The following AMBRA1 variants were observed in gnomAD, a reference collection of about 807,000 sequenced individuals.
AMBRA1 encodes autophagy and beclin 1 regulator 1, also known as activating molecule in BECN1-regulated autophagy protein 1.
Under a neutral mutation model 125.4 loss-of-function variants are expected in AMBRA1, and 47 were observed. That is an observed-to-expected ratio of 0.37 (90% confidence interval 0.30 to 0.48). AMBRA1 has a LOEUF of 0.48. Among genes scored for constraint, AMBRA1 ranks in the 20% least tolerant of loss-of-function variants. AMBRA1 has a pLI of 0.99. For synonymous variants in AMBRA1, 626 were observed against 655.5 expected, an observed-to-expected ratio of 0.95 and a Z score of 0.69; for missense variants, 1,331 against 1,693.4, an observed-to-expected ratio of 0.79 and a Z score of 3.76.
At chr11:46,584,672 G>T (rs917307891) in intron 1 of AMBRA1, among the ~76,000 whole-genome samples, 1 of 152,038 alleles carries the variant, frequency 6.6e-6, no homozygotes, top group Non-Finnish European at 1.5e-5. Context: ...GCAGTGGTGT[G>T]ATCTTGGCTC....
intron 1 of AMBRA1, among the ~76,000 whole-genome samples, chr11:46,575,181 G>A (rs2043910658): frequency 6.6e-6 from 1 of 152,122 alleles, no homozygotes; most frequent in Admixed American, 6.6e-5. Context: ...AAACCACTCA[G>A]GCATGATGGC....
chr11:46,427,024 CA>C (rs1947170265), intron 14 of AMBRA1, among the ~76,000 whole-genome samples: 1 of 152,088 alleles, frequency 6.6e-6, no homozygotes, highest in African/African-American at 2.4e-5. Context: ...AATTCTAGGT[CA>C]CTTTTGGAAA....
chr11:46,503,874 G>C (rs972919449), intron 9 of AMBRA1, among the ~76,000 whole-genome samples: 2 of 152,098 alleles, frequency 1.3e-5, no homozygotes. Context: ...TCTTTTATTT[G>C]TTTAATACAT....
chr11:46,584,580 A>G (rs2044301402), intron 1 of AMBRA1, among the ~76,000 whole-genome samples: 1 of 151,868 alleles, frequency 6.6e-6, no homozygotes, highest in African/African-American at 2.4e-5. Flanking sequence ...AAAAATACAC[A>G]CTCTGCTATA....
chr11:46,481,430 C>A (rs1014853829), intron 11 of AMBRA1, among the ~76,000 whole-genome samples: 4 of 152,152 alleles, frequency 2.6e-5, no homozygotes, highest in African/African-American at 9.7e-5. Flanking sequence ...TCTTGTTGAG[C>A]TCAGCACACT....
chr11:46,566,287 G>A (rs141393191), intron 1 of AMBRA1, among the ~76,000 whole-genome samples: 91 of 152,090 alleles, frequency 6.0e-4, no homozygotes, highest in African/African-American at 1.9e-3. Flanking sequence ...CCATGGTGGC[G>A]GGCACCTGTA....
chr11:46,505,646 A>G (rs1056009416), intron 9 of AMBRA1, among the ~76,000 whole-genome samples: 1 of 149,996 alleles, frequency 6.7e-6, no homozygotes, highest in Admixed American at 6.6e-5. Context: ...AAGGAAATGT[A>G]AATTCAGGTC....
intron 11 of AMBRA1, among the ~76,000 whole-genome samples, chr11:46,477,100 C>CAA (rs966567377): frequency 1.2e-3 from 90 of 72,050 alleles, no homozygotes; most frequent in Middle Eastern, 8.9e-3. Flanking sequence ...AAGACTGTCT[C>CAA]AAAAAAAAAA....
intron 10 of AMBRA1, 175 bp from the exon 11 acceptor site, chr11:46,493,883 C>T (rs2134977814): frequency 1.6e-6 from 1 of 644,028 alleles, no homozygotes; most frequent in South Asian, 2.1e-5. Flanking sequence ...TTTTTCTGCC[C>T]TTCCTTCTAA....
chr11:46,436,939 C>T (rs888538126), intron 12 of AMBRA1, among the ~76,000 whole-genome samples: 4 of 152,186 alleles, frequency 2.6e-5, no homozygotes, highest in Admixed American at 2.6e-4. Flanking sequence ...TTTAAGACAG[C>T]TTTGAACAGT....
In AMBRA1 at chr11:46,435,054, A is replaced by G; in HGVS notation, c.2633-17T>C. 2 of 1,581,520 alleles carry G rather than the reference A, an allele frequency of 1.3e-6. No individual in the cohort carries two copies. The highest frequency in any genetic ancestry group is 1.7e-6 in the Non-Finnish European group (2 of 1,164,474). ...TCACGGAAGCTGCATCAGACAAAGA[A>G]AGAAAAGAGGATAAGAAACTTTGGA... On this transcript the variant is annotated splice_polypyrimidine_tract_variant and intron_variant, in intron 12 of 17. Transcript: ENST00000683756.
chr11:46,586,857 T>C (rs1026410092), intron 1 of AMBRA1, among the ~76,000 whole-genome samples: 3 of 152,038 alleles, frequency 2.0e-5, no homozygotes, highest in Admixed American at 6.6e-5. Context: ...TATGCTGCTA[T>C]TCAAAAGTCT....
At chr11:46,588,306 T>C (rs1319470463) in intron 1 of AMBRA1, among the ~76,000 whole-genome samples, 1 of 152,180 alleles carries the variant, frequency 6.6e-6, no homozygotes, top group African/African-American at 2.4e-5. Context: ...CACTCCAGCC[T>C]GGATGACAGA....
Position 46,508,292 on chromosome 11 carries a change from C to T in AMBRA1, c.2238G>A (p.Met746Ile). The change falls in exon 9 of 18, where the codon ATG (methionine) becomes ATA (isoleucine). Residue 746 changes from methionine to isoleucine, a missense_variant. By Grantham distance (10) the Met-to-Ile change is conservative. This residue lies in a region of AMBRA1 where 689 missense variants were observed against 776.5 expected (regional missense o/e 0.89). Transcript: ENST00000683756. Reference protein sequence around the residue: ...SRRDSIRQRSMRYQQNRLRSS... With the variant: ...SRRDSIRQRSIRYQQNRLRSS... ...AACGGAGACGGTTCTGTTGGTAGCG[C>T]ATGGAGCGCTGGCGAATACTGTCTC... The T allele has an allele frequency of 6.2e-7, 1 of 1,614,220 alleles. No homozygotes were observed. The highest frequency in any genetic ancestry group is 8.5e-7 in the Non-Finnish European group (1 of 1,180,040).
chr11:46,470,816 T>C (rs1453210918), intron 11 of AMBRA1, among the ~76,000 whole-genome samples: 1 of 152,126 alleles, frequency 6.6e-6, no homozygotes, highest in Non-Finnish European at 1.5e-5. Flanking sequence ...TAAAGGAAGT[T>C]TGTTTACTCA....
At chr11:46,422,199 G>A (rs1056757399) in intron 14 of AMBRA1, among the ~76,000 whole-genome samples, 1 of 152,136 alleles carries the variant, frequency 6.6e-6, no homozygotes, top group Non-Finnish European at 1.5e-5. Flanking sequence ...GACGAGTCCT[G>A]GTTTCACCTG....
intron 7 of AMBRA1, among the ~76,000 whole-genome samples, chr11:46,518,596 G>A (rs1046848349): frequency 6.6e-6 from 1 of 152,122 alleles, no homozygotes; most frequent in Non-Finnish European, 1.5e-5. Context: ...AGGCAGAACT[G>A]AGGAATCCTG....
At chr11:46,412,302 T>C (rs1946334014) in intron 15 of AMBRA1, among the ~76,000 whole-genome samples, 1 of 152,178 alleles carries the variant, frequency 6.6e-6, no homozygotes, top group Non-Finnish European at 1.5e-5. Context: ...GTTATTATAC[T>C]GTATTGCATC....
intron 9 of AMBRA1, among the ~76,000 whole-genome samples, chr11:46,505,475 T>C (rs567561219): frequency 6.6e-6 from 1 of 152,168 alleles, no homozygotes; most frequent in Non-Finnish European, 1.5e-5. Context: ...ACAGCTGCTA[T>C]TAAAAACAAG....
Sources: allele counts gnomAD v4.1 joint callset (sites outside exome capture counted in the v4.1 genomes callset), GRCh38; gene constraint gnomAD v4.1.1; regional missense constraint gnomAD v4.1.1; transcripts MANE v1.5; gene names NCBI Gene and HGNC (gene_info 2026-07-23, HGNC 2026-07-21).